The following TMEM132D variants were observed in gnomAD, a reference collection of about 807,000 sequenced individuals.
TMEM132D encodes transmembrane protein 132D.
Under a neutral mutation model 62.3 loss-of-function variants are expected in TMEM132D, and 21 were observed. The ratio of observed to expected loss-of-function variants is 0.34; its 90% CI spans 0.24 to 0.49. The LOEUF is 0.49. Ranked by LOEUF, TMEM132D falls within the 20% of genes least tolerant of loss-of-function variation. The pLI is 0.99. For synonymous variants in TMEM132D, 621 were observed against 575.6 expected (o/e 1.08, Z -1.13); for missense variants, 1,346 against 1,402.8 (o/e 0.96, Z 0.65).
At chr12:129,415,141 A>G (rs1872079823) in intron 3 of TMEM132D, among the ~76,000 whole-genome samples, 2 of 152,166 alleles carry the variant, frequency 1.3e-5, no homozygotes, top group African/African-American at 4.8e-5. Flanking sequence ...GTGGGAGTGG[A>G]GGTGTCCCTT....
chr12:129,762,477 T>C (rs573411542), intron 1 of TMEM132D, among the ~76,000 whole-genome samples: 2 of 152,244 alleles, frequency 1.3e-5, no homozygotes, highest in African/African-American at 4.8e-5. Context: ...TTCAAATCCC[T>C]GTTCTGTGTA....
At chr12:129,459,427 A>G (rs1271569901) in intron 3 of TMEM132D, among the ~76,000 whole-genome samples, 1 of 152,166 alleles carries the variant, frequency 6.6e-6, no homozygotes, top group African/African-American at 2.4e-5. Flanking sequence ...TACTGATGCT[A>G]TGCAGGTAAT....
intron 1 of TMEM132D, among the ~76,000 whole-genome samples, chr12:129,773,222 G>A (rs926628603): frequency 3.3e-5 from 5 of 152,176 alleles, no homozygotes; most frequent in African/African-American, 4.8e-5. Context: ...GACATCGTGC[G>A]CCTCCTGTAT....
chr12:129,604,651 A>G (rs1166976439), intron 2 of TMEM132D, among the ~76,000 whole-genome samples: 3 of 152,230 alleles, frequency 2.0e-5, no homozygotes, highest in Non-Finnish European at 4.4e-5. Context: ...GATGCTTTCA[A>G]ATCACTGTAA....
chr12:129,341,126 C>T (rs987459019), intron 3 of TMEM132D, among the ~76,000 whole-genome samples: 1 of 152,126 alleles, frequency 6.6e-6, no homozygotes, highest in African/African-American at 2.4e-5. Context: ...CAAACTCTTG[C>T]GTAGTAGGCA....
chr12:129,094,541 G>A (rs1432013739), intron 5 of TMEM132D, among the ~76,000 whole-genome samples: 1 of 152,188 alleles, frequency 6.6e-6, no homozygotes, highest in Non-Finnish European at 1.5e-5. Context: ...AACAGGTGCT[G>A]GAGAGGATGT....
intron 3 of TMEM132D, among the ~76,000 whole-genome samples, chr12:129,430,705 G>T (rs534119985): frequency 6.6e-6 from 1 of 152,190 alleles, no homozygotes; most frequent in Non-Finnish European, 1.5e-5. Flanking sequence ...TGAGAATTCA[G>T]TAGTCCCTGA....
intron 2 of TMEM132D, among the ~76,000 whole-genome samples, chr12:129,623,837 C>T (rs1879144825): frequency 6.6e-6 from 1 of 151,386 alleles, no homozygotes; most frequent in South Asian, 2.1e-4. Flanking sequence ...AAGTTGATTC[C>T]ATATCTTGGC....
At chr12:129,519,963 C>T (rs1316739543) in intron 3 of TMEM132D, among the ~76,000 whole-genome samples, 1 of 152,046 alleles carries the variant, frequency 6.6e-6, no homozygotes, top group Non-Finnish European at 1.5e-5. Context: ...ACATAAATTT[C>T]CCATATAAAA....
rs537918137 is a variant in TMEM132D at position 129,320,266 on chromosome 12, C to T, written c.1299+17368G>A. Among the ~76,000 whole-genome samples the T allele has an allele frequency of 1.3e-4, 20 of 152,254 alleles. No individual in the cohort carries two copies. In the South Asian group the frequency reaches 3.1e-3, roughly 24 times the overall value. The stretch of plus-strand genomic sequence containing the variant: ...TGGGTCCAAAACTGAGACTGATAGA[C>T]AATTTAATGCTGAAAAGAAGATAAA... On this transcript the variant is annotated intron_variant, in intron 4 of 8. Coordinates refer to ENST00000422113, the MANE Select transcript of TMEM132D (RefSeq NM_133448.3).
chr12:129,826,658 T>C (rs1178089322), intron 1 of TMEM132D, among the ~76,000 whole-genome samples: 1 of 152,216 alleles, frequency 6.6e-6, no homozygotes, highest in Non-Finnish European at 1.5e-5. Flanking sequence ...CGGAAGGCTA[T>C]TTACCTAAAG....
chr12:129,813,631 T>TATATATATATATATATATATATATA (rs36010730), intron 1 of TMEM132D, among the ~76,000 whole-genome samples: 21 of 144,008 alleles, frequency 1.5e-4, no homozygotes, highest in East Asian at 1.1e-3. Flanking sequence ...TATATATATA[T>TATATATATATATATATATATATATA]TTTCAGGACT....
At position 129,585,712 on chromosome 12, in the gene TMEM132D, G is replaced by C. The variant is rs546084680; in HGVS notation, c.969-54507C>G. Among the ~76,000 whole-genome samples the C allele has an allele frequency of 5.9e-5, 9 of 152,140 alleles. No individual in the cohort carries two copies. The South Asian group carries it at 1.9e-3, about 32-fold the overall frequency. Reference sequence around the variant, plus strand: ...GGATTTCAAATTGGCCATTTTAGAAGCATCTAGCACAAAGATGAGAAATAT... The same window carrying C: ...GGATTTCAAATTGGCCATTTTAGAACCATCTAGCACAAAGATGAGAAATAT... On this transcript the variant is annotated intron_variant, in intron 2 of 8. Coordinates refer to ENST00000422113, the MANE Select transcript of TMEM132D (RefSeq NM_133448.3).
intron 2 of TMEM132D, among the ~76,000 whole-genome samples, chr12:129,538,236 C>A (rs762425870): frequency 1.3e-5 from 2 of 152,220 alleles, no homozygotes; most frequent in Admixed American, 1.3e-4. Flanking sequence ...ACTTCCATCA[C>A]TTTACACCTA....
intron 2 of TMEM132D, among the ~76,000 whole-genome samples, chr12:129,584,213 C>G (rs1276985491): frequency 2.6e-5 from 4 of 152,140 alleles, no homozygotes; most frequent in African/African-American, 9.7e-5. Context: ...ATAGTAAGAT[C>G]TTTCTTCCTC....
chr12:129,520,735 C>G lies in TMEM132D; in HGVS notation c.1115+10324G>C, dbSNP rs970104787. On this transcript the variant is annotated intron_variant, in intron 3 of 8. Transcript: ENST00000422113. ...ATTAAGCTGTACATGTTGAGATCAT[C>G]TCTGTGTCTTGATATTAAAAACCAA... Among the ~76,000 whole-genome samples, 12 of 152,338 alleles carry G rather than the reference C, an allele frequency of 7.9e-5. No individual in the cohort carries two copies. In the South Asian group the frequency reaches 1.9e-3, roughly 24 times the overall value.
At chr12:129,782,182 CATCCCTA>C (rs1161527528) in intron 1 of TMEM132D, among the ~76,000 whole-genome samples, 2 of 152,208 alleles carry the variant, frequency 1.3e-5, no homozygotes, top group Non-Finnish European at 2.9e-5. Flanking sequence ...ACTGGTTCAG[CATCCCTA>C]ATCCGAAAAA....
chr12:129,233,650 G>A (rs2135580024), intron 4 of TMEM132D, among the ~76,000 whole-genome samples: 1 of 151,992 alleles, frequency 6.6e-6, no homozygotes, highest in South Asian at 2.1e-4. Flanking sequence ...TTTTGAGACA[G>A]AGTTTCACTC....
chr12:129,764,316 A>T (rs932913936), intron 1 of TMEM132D, among the ~76,000 whole-genome samples: 1 of 152,206 alleles, frequency 6.6e-6, no homozygotes, highest in Admixed American at 6.5e-5. Context: ...AAAATATAGG[A>T]CGTCTTCCTA....
Sources: allele counts gnomAD v4.1 joint callset (sites outside exome capture counted in the v4.1 genomes callset), GRCh38; gene constraint gnomAD v4.1.1; transcripts MANE v1.5; gene names NCBI Gene and HGNC (gene_info 2026-07-23, HGNC 2026-07-21).